The following PRKD3 variants were observed in gnomAD, a reference collection of about 807,000 sequenced individuals.
The protein encoded by PRKD3 is protein kinase D3.
In PRKD3, 47 loss-of-function variants were observed where a neutral mutation model predicts 99.2. The observed-to-expected ratio is 0.47, with a 90% CI of 0.38 to 0.60. The LOEUF is 0.60. PRKD3 is among the 20% of genes least tolerant of loss of function. The pLI, the probability that PRKD3 is intolerant of heterozygous loss-of-function variation, is 0.00. For synonymous variants in PRKD3, 392 were observed against 355.4 expected (o/e 1.10, Z -1.16); for missense variants, 1,019 against 1,088.4 (o/e 0.94, Z 0.90).
At chr2:37,262,178 G>A (rs932438957) in intron 14 of PRKD3, among the ~76,000 whole-genome samples, 8 of 152,138 alleles carry the variant, frequency 5.3e-5, no homozygotes, top group Non-Finnish European at 7.4e-5. Flanking sequence ...AATATGGCTA[G>A]CTGATTATGC....
At position 37,289,647 on chromosome 2, in the gene PRKD3, A is replaced by C. The variant is rs914666692; in HGVS notation, c.560-134T>G. ...ATACCTATCCTAATTAAGAACCCAG[A>C]CAGCAGGCTAAGTGGAAGCTAATGA... On this transcript the variant is annotated intron_variant, in intron 4 of 18. Coordinates refer to ENST00000234179, the MANE Select transcript of PRKD3 (RefSeq NM_005813.6). 71 of 693,174 alleles carry C rather than the reference A, an allele frequency of 1.0e-4. 1 individual carries two copies. The highest frequency in any genetic ancestry group is 8.6e-4 in the South Asian group (33 of 38,442). The allele number at this position is 693,174 out of a possible 1,614,324, so 42.9% of individuals were successfully genotyped here.
chr2:37,316,679 T>C lies in PRKD3; in HGVS notation c.-155A>G. ...TGTTAAGCCACTCATGCCGATACTT[T>C]TAAGTTTTATCAAGGAGTTGAATGC... On this transcript the variant is annotated 5_prime_UTR_variant, in exon 2 of 19. Coordinates refer to ENST00000234179, the MANE Select transcript of PRKD3 (RefSeq NM_005813.6). The C allele has an allele frequency of 2.1e-6, 3 of 1,435,422 alleles. No individual in the cohort carries two copies. Among genetic ancestry groups the C allele is most frequent in the Non-Finnish European group, 2.7e-6 (3 of 1,101,716 alleles). 88.9% of individuals were successfully genotyped at this position (1,435,422 alleles called of 1,614,324 possible).
chr2:37,309,472 G>A (rs1044065779), intron 2 of PRKD3, among the ~76,000 whole-genome samples: 3 of 152,116 alleles, frequency 2.0e-5, no homozygotes, highest in Non-Finnish European at 4.4e-5. Context: ...GCTCAACAAT[G>A]GTAATTAACT....
chr2:37,267,305 C>T lies in PRKD3; in HGVS notation c.1884+125G>A, dbSNP rs193029128. On this transcript the variant is annotated intron_variant, in intron 14 of 18. Transcript: ENST00000234179. Reference sequence around the variant, plus strand: ...TACCATAAAGCAAGATATTGGCAGTCCCTATAATGCCTATATTACCATAAT... The same window carrying T: ...TACCATAAAGCAAGATATTGGCAGTTCCTATAATGCCTATATTACCATAAT... 4.7e-3 allele frequency: 2,641 copies of T among 556,128 alleles called. 12 individuals are homozygous for T. Among genetic ancestry groups the T allele is most frequent in the Non-Finnish European group, 4.7e-3 (1,540 of 327,984 alleles). 34.4% of individuals were successfully genotyped at this position (556,128 alleles called of 1,614,324 possible).
rs186663673 is a variant in PRKD3, at chr2:37,303,016, C to T, written c.289-9745G>A. Among the ~76,000 whole-genome samples, 899 of 152,276 alleles carry T rather than the reference C, an allele frequency of 5.9e-3. 4 individuals are homozygous for T. The highest frequency in any genetic ancestry group is 0.02 in the African/African-American group (846 of 41,546). On this transcript the variant is annotated intron_variant, in intron 2 of 18. Coordinates refer to ENST00000234179, the MANE Select transcript of PRKD3 (RefSeq NM_005813.6). ...ATGTTGCCTTTTCCAAAACTACCTA[C>T]GGCCGGCCCCACGGCCCAACCCCTG...
chr2:37,289,573 G>C lies in PRKD3; in HGVS notation c.560-60C>G, dbSNP rs981695346. The C allele has an allele frequency of 3.7e-6, 5 of 1,357,510 alleles. No individual in the cohort carries two copies. In the African/African-American group the frequency reaches 7.5e-5, roughly 20 times the overall value. The allele number at this position is 1,357,510 out of a possible 1,614,324, so 84.1% of individuals were successfully genotyped here. ...AAAAAAAAATTTACTATTTAAGTGTGATACATAAAAACCACTGCTTCTTTT... is the reference window on the plus strand; with the variant it reads ...AAAAAAAAATTTACTATTTAAGTGTCATACATAAAAACCACTGCTTCTTTT... On this transcript the variant is annotated intron_variant, in intron 4 of 18. Transcript: ENST00000234179.
At chr2:37,309,703 C>T (rs779021129) in intron 2 of PRKD3, among the ~76,000 whole-genome samples, 4 of 152,044 alleles carry the variant, frequency 2.6e-5, no homozygotes, top group Non-Finnish European at 5.9e-5. Flanking sequence ...CAAATATTAG[C>T]TGGGTGTGGT....
chr2:37,289,213 C>CATTA, intron 5 of PRKD3, 143 bp downstream of exon 5: 1 of 1,004,630 alleles, frequency 1.0e-6, no homozygotes, highest in Non-Finnish European at 1.4e-6. Flanking sequence ...AGTCCTGTCT[C>CATTA]CATTACTACA....
intron 2 of PRKD3, among the ~76,000 whole-genome samples, chr2:37,309,345 G>A (rs4670193): frequency 0.62 from 94,065 of 151,880 alleles, 29,985 homozygotes; most frequent in East Asian, 0.98. Context: ...CTTTAGAGTT[G>A]ATTCTATAGG....
intron 1 of PRKD3, among the ~76,000 whole-genome samples, chr2:37,321,193 CTCTAAATAATATCA>C (rs1671870364): frequency 6.6e-6 from 1 of 152,126 alleles, no homozygotes; most frequent in Admixed American, 6.5e-5. Context: ...GGGTACGAGG[CTCTAAATAATATCA>C]TCTAGTTGGC....
chr2:37,324,782 C>T lies in PRKD3; in HGVS notation c.-757G>A, dbSNP rs1436107409. Reference sequence around the variant, plus strand: ...ACGCGCCTCGCAGGATCCCGCCCGCCTCCGGCGCCCCTTCCTCCCTCCCTC... The same window carrying T: ...ACGCGCCTCGCAGGATCCCGCCCGCTTCCGGCGCCCCTTCCTCCCTCCCTC... On this transcript the variant is annotated 5_prime_UTR_variant, in exon 1 of 19. Transcript: ENST00000234179. The T allele has an allele frequency of 6.6e-6, 1 of 151,062 alleles. No individual in the cohort carries two copies. Among genetic ancestry groups the T allele is most frequent in the Non-Finnish European group, 1.5e-5 (1 of 67,598 alleles). The allele number at this position is 151,062 out of a possible 1,614,324, so 9.4% of individuals were successfully genotyped here.
intron 2 of PRKD3, among the ~76,000 whole-genome samples, chr2:37,296,224 C>T (rs904851275): frequency 6.6e-6 from 1 of 151,886 alleles, no homozygotes; most frequent in Non-Finnish European, 1.5e-5. Flanking sequence ...AATAAACACA[C>T]CAAGAGAAGG....
chr2:37,292,999 G>T, intron 3 of PRKD3, 134 bp downstream of exon 3: 1 of 997,266 alleles, frequency 1.0e-6, no homozygotes. Flanking sequence ...ATCATATGGT[G>T]ACCATTATTA....
intron 5 of PRKD3, among the ~76,000 whole-genome samples, chr2:37,288,575 T>C (rs866774903): frequency 1.2e-4 from 18 of 152,170 alleles, no homozygotes; most frequent in African/African-American, 4.1e-4. Context: ...TACTATGAAA[T>C]GTACAAGGGA....
chr2:37,303,036 C>T (rs922954370), intron 2 of PRKD3, among the ~76,000 whole-genome samples: 2 of 152,156 alleles, frequency 1.3e-5, no homozygotes, highest in Non-Finnish European at 2.9e-5. Flanking sequence ...CACGGCCCAA[C>T]CCCTGTCCTG....
chr2:37,278,601 T>C lies in PRKD3; in HGVS notation c.1173-612A>G, dbSNP rs1051469454. On this transcript the variant is annotated intron_variant, in intron 8 of 18. Coordinates refer to ENST00000234179, the MANE Select transcript of PRKD3 (RefSeq NM_005813.6). ...TTTTGAAATGTGAACCTCAAACAGT[T>C]AAATACTTTCTTTTTTAAACTATGA... 5.9e-5 allele frequency: 9 copies of C among 152,224 alleles called. 1 individual carries two copies. Among genetic ancestry groups the C allele is most frequent in the Admixed American group, 5.9e-4 (9 of 15,282 alleles). The allele number at this position is 152,224 out of a possible 1,614,324, so 9.4% of individuals were successfully genotyped here.
chr2:37,289,220 T>A (rs1026847109), intron 5 of PRKD3, 136 bp downstream of exon 5: 2 of 1,082,214 alleles, frequency 1.8e-6, no homozygotes, highest in African/African-American at 3.2e-5. Context: ...TCTCCATTAC[T>A]ACATTTTATG....
At chr2:37,307,005 C>G (rs182282986) in intron 2 of PRKD3, among the ~76,000 whole-genome samples, 23 of 152,198 alleles carry the variant, frequency 1.5e-4, no homozygotes, top group Admixed American at 2.6e-4. Flanking sequence ...CAGTTTAACC[C>G]AGGGGTTTTC....
intron 2 of PRKD3, among the ~76,000 whole-genome samples, chr2:37,297,142 T>G (rs1670710399): frequency 6.6e-6 from 1 of 151,914 alleles, no homozygotes; most frequent in African/African-American, 2.4e-5. Flanking sequence ...CACGCAGGAG[T>G]GGATCTCTAA....
Sources: allele counts gnomAD v4.1 joint callset (sites outside exome capture counted in the v4.1 genomes callset), GRCh38; gene constraint gnomAD v4.1.1; transcripts MANE v1.5; gene names NCBI Gene and HGNC (gene_info 2026-07-23, HGNC 2026-07-21).